KRT73: variants seen among roughly 807,000 people sequenced by gnomAD.
KRT73 encodes the protein keratin, type II cytoskeletal 73.
In KRT73, 44 loss-of-function variants were observed where a neutral mutation model predicts 47.2. That is an observed-to-expected ratio of 0.93 (90% CI 0.73 to 1.20). The LOEUF is 1.20. Ranked by LOEUF, KRT73 falls within the 50% of genes most tolerant of loss-of-function variation. The probability of loss-of-function intolerance (pLI) is 0.00; values close to 1 mark genes in which losing one functional copy is unlikely to be tolerated. For missense variants in KRT73, 713 were observed against 704.5 expected (o/e 1.01, Z -0.14); for synonymous variants, 285 against 291.3 (o/e 0.98, Z 0.22).
rs1392368458 is a variant in KRT73 at position 52,618,078 on chromosome 12, C to G, written c.447G>C (p.Lys149Asn). 1 of 1,613,416 alleles carries G rather than the reference C, an allele frequency of 6.2e-7. No homozygotes were observed. The highest frequency in any genetic ancestry group is 8.5e-7 in the Non-Finnish European group (1 of 1,179,762). ...LNNKFASFID[K>N]VRFLEQQNQV... ...ATCAGCTTTCTCCAGAAAGACCCAC[C>G]TTGTCAATGAAGGAGGCGAACTTGT... The change falls in exon 1 of 9, where the codon AAG becomes AAC. Residue 149 changes from lysine to asparagine, a missense_variant and splice_region_variant. By Grantham distance (94) the Lys-to-Asn change is moderately conservative. Coordinates refer to ENST00000305748, the MANE Select transcript of KRT73 (RefSeq NM_175068.3).
the KRT73 span, among the ~76,000 whole-genome samples, chr12:52,629,550 C>A: frequency 2.6e-5 from 4 of 152,236 alleles, no homozygotes; most frequent in Non-Finnish European, 5.9e-5. Flanking sequence ...AAGTTCAGGG[C>A]CCCAGGGCCC....
intron 3 of KRT73, 138 bp downstream of exon 3, chr12:52,615,141 A>G: frequency 1.5e-6 from 1 of 678,172 alleles, no homozygotes; most frequent in Non-Finnish European, 2.6e-6. Flanking sequence ...AAATGTCCCA[A>G]GCAGCAAGCC....
At position 52,608,001 on chromosome 12, in the gene KRT73, G is replaced by A; in HGVS notation, c.*195C>T. 1 of 615,460 alleles carries A rather than the reference G, an allele frequency of 1.6e-6. No homozygotes were observed. The highest frequency in any genetic ancestry group is 2.8e-6 in the Non-Finnish European group (1 of 359,846). 38.1% of individuals were successfully genotyped at this position (615,460 alleles called of 1,614,324 possible). ...CCTCTTTGGATGGAGGCAGAAAGAT[G>A]GGCTCCAGCTCTCAAATCCTGATTC... On this transcript the variant is annotated 3_prime_UTR_variant, in exon 9 of 9. Transcript: ENST00000305748.
At chr12:52,615,176 G>T (rs11170200) in intron 3 of KRT73, 103 bp downstream of exon 3, 5 of 932,072 alleles carry the variant, frequency 5.4e-6, no homozygotes, top group East Asian at 2.4e-5. Flanking sequence ...TCAGCACTTT[G>T]GCTCCAGGCC....
chr12:52,628,969 AG>A, the KRT73 span, among the ~76,000 whole-genome samples: 2 of 152,176 alleles, frequency 1.3e-5, no homozygotes, highest in African/African-American at 4.8e-5. Flanking sequence ...CTGTGCCCTG[AG>A]TTGGAGACCT....
At chr12:52,623,447 C>T (rs1940929954), upstream of KRT73, among the ~76,000 whole-genome samples, 1 of 152,112 alleles carries the variant, frequency 6.6e-6, no homozygotes, top group African/African-American at 2.4e-5. Context: ...AATGTGTTTC[C>T]AGCAGGCCTA....
At position 52,616,319 on chromosome 12, in the gene KRT73, A is replaced by G. The variant is rs1940812746; in HGVS notation, c.509T>C (p.Leu170Pro). The G allele has an allele frequency of 6.2e-7, 1 of 1,614,062 alleles. No homozygotes were observed. The highest frequency in any genetic ancestry group is 1.3e-5 in the African/African-American group (1 of 74,928). ...GTTATTCTTGCAGTTGTTCAGGTCC[A>G]GCTGCTGTAGCAGCTCCCACTTGGT... ...LETKWELLQQLDLNNCKNNLE... is the reference protein window; with the variant it reads ...LETKWELLQQPDLNNCKNNLE... Residue 170 changes from leucine (L) to proline (P), a missense_variant, in exon 2 of 9, where the codon CTG (leucine) becomes CCG (proline). By Grantham distance (98) the Leu-to-Pro change is moderately conservative (BLOSUM62 -3). Coordinates refer to ENST00000305748, the MANE Select transcript of KRT73 (RefSeq NM_175068.3).
At chr12:52,630,164 C>T in the KRT73 span, among the ~76,000 whole-genome samples, 2 of 152,230 alleles carry the variant, frequency 1.3e-5, no homozygotes, top group Non-Finnish European at 2.9e-5. Flanking sequence ...TGGTCAAAGG[C>T]CCTGACTGGA....
the KRT73 span, among the ~76,000 whole-genome samples, chr12:52,626,830 G>T: frequency 6.6e-6 from 1 of 152,126 alleles, no homozygotes; most frequent in Non-Finnish European, 1.5e-5. Context: ...TTTTCCATTT[G>T]CCTGGGCTTA....
intron 5 of KRT73, 155 bp downstream of exon 5, chr12:52,613,533 G>C (rs952023618): frequency 7.1e-7 from 1 of 1,402,906 alleles, no homozygotes; most frequent in African/African-American, 1.4e-5. Context: ...GGACAGAGCT[G>C]TGTCTTCTCC....
At position 52,616,376 on chromosome 12, in the gene KRT73, C is replaced by A. The variant is rs758072157; in HGVS notation, c.452G>T (p.Arg151Leu). The change falls in exon 2 of 9, where the codon CGG (arginine) becomes CTG (leucine). Residue 151 changes from arginine to leucine, a missense_variant. Coordinates refer to ENST00000305748, the MANE Select transcript of KRT73 (RefSeq NM_175068.3). ...CACCTGGTTCTGCTGCTCCAGGAACCGCACCTGGAACCCATGCCACACATA... is the reference window on the plus strand; with the variant it reads ...CACCTGGTTCTGCTGCTCCAGGAACAGCACCTGGAACCCATGCCACACATA... Reference protein sequence around the residue: ...NKFASFIDKVRFLEQQNQVLE... With the variant: ...NKFASFIDKVLFLEQQNQVLE... 6.2e-5 allele frequency: 100 copies of A among 1,614,000 alleles called. 1 individual carries two copies. The Admixed American group carries it at 1.6e-3, about 26-fold the overall frequency.
chr12:52,618,372 C>T lies in KRT73; in HGVS notation c.153G>A (p.Leu51=). 6.2e-7 allele frequency: 1 copy of T among 1,614,208 alleles called. No individual in the cohort carries two copies. Among genetic ancestry groups the T allele is most frequent in the Non-Finnish European group, 8.5e-7 (1 of 1,180,048 alleles). The part of the protein sequence containing the change: ...GGFSSRSLYS[L]GGARSISFNV... Reference sequence around the variant, plus strand: ...TGAAAGAGATGCTCCGGGCACCCCCCAGGCTGTAAAGGCTCCGACTGCTGA... The same window carrying T: ...TGAAAGAGATGCTCCGGGCACCCCCTAGGCTGTAAAGGCTCCGACTGCTGA... Residue 51 remains leucine, a synonymous_variant, in exon 1 of 9, where the codon CTG becomes CTA. Transcript: ENST00000305748.
chr12:52,628,368 A>G, the KRT73 span, among the ~76,000 whole-genome samples: 1 of 149,844 alleles, frequency 6.7e-6, no homozygotes, highest in Admixed American at 6.6e-5. Context: ...GCACACTTTC[A>G]CCCTCCCAGT....
At chr12:52,629,652 G>A in the KRT73 span, among the ~76,000 whole-genome samples, 1 of 152,340 alleles carries the variant, frequency 6.6e-6, no homozygotes. Flanking sequence ...CACCTATGTA[G>A]AGCAGTTCAT....
intron 7 of KRT73, chr12:52,610,367 G>A: frequency 8.2e-6 from 4 of 485,466 alleles, no homozygotes; most frequent in Non-Finnish European, 1.5e-5. Flanking sequence ...ACGAACCACT[G>A]CGCCTGGCCA....
In KRT73 at chr12:52,618,489, A is replaced by C. The variant is rs1479494542; in HGVS notation, c.36T>G (p.Ala12=). The C allele has an allele frequency of 6.2e-7, 1 of 1,610,860 alleles. No individual in the cohort carries two copies. The part of the protein sequence containing the change: ...SRQFTYKSGA[A]AKGGFSGCSA... The stretch of plus-strand genomic sequence containing the variant: ...AGCAGCCGCTGAAGCCCCCCTTGGC[A>C]GCAGCTCCCGACTTGTAGGTGAATT... Residue 12 remains alanine (A), a synonymous_variant, in exon 1 of 9, where the codon GCT becomes GCG. Coordinates refer to ENST00000305748, the MANE Select transcript of KRT73 (RefSeq NM_175068.3).
At chr12:52,610,955 G>T in intron 6 of KRT73, 120 bp from the exon 7 acceptor site, 2 of 967,142 alleles carry the variant, frequency 2.1e-6, no homozygotes, top group Non-Finnish European at 3.1e-6. Flanking sequence ...CAGAGACCCA[G>T]CCACATCCAG....
intron 5 of KRT73, chr12:52,612,961 T>G (rs1940733848): frequency 6.6e-6 from 1 of 152,254 alleles, no homozygotes; most frequent in African/African-American, 2.4e-5. Context: ...TGGAAGGCTT[T>G]GGGGACTGAA....
chr12:52,608,305 C>T lies in KRT73; in HGVS notation c.1514G>A (p.Cys505Tyr). 1.2e-6 allele frequency: 2 copies of T among 1,614,038 alleles called. No homozygotes were observed. The highest frequency in any genetic ancestry group is 1.7e-6 in the Non-Finnish European group (2 of 1,180,022). The change falls in exon 9 of 9, where the codon TGT (cysteine) becomes TAT (tyrosine). Residue 505 changes from cysteine (C) to tyrosine (Y), a missense_variant. Transcript: ENST00000305748. ...PGGCVTGSGN[C>Y]SPRGEARTRL... ...GGTCCTGGCTTCCCCACGGGGGCTA[C>T]AGTTCCCACTGCCAGTGACACAGCC...
Sources: gnomAD v4.1 joint callset for allele counts (sites outside exome capture counted in the v4.1 genomes callset) on GRCh38, gnomAD v4.1.1 for gene constraint, MANE v1.5 for transcripts, NCBI Gene and HGNC (gene_info 2026-07-23, HGNC 2026-07-21) for gene names.